UNC13C: variants seen among roughly 807,000 people sequenced by gnomAD.
UNC13C encodes the protein protein unc-13 homolog C.
A neutral mutation model predicts 245.4 loss-of-function variants in UNC13C; 174 were observed. The observed-to-expected ratio is 0.71, with a 90% CI of 0.63 to 0.80. The LOEUF is 0.80. Among genes scored for constraint, UNC13C ranks in the 30% least tolerant of loss-of-function variants. The probability of loss-of-function intolerance (pLI) is 0.00; values close to 1 mark genes in which losing one functional copy is unlikely to be tolerated. For synonymous variants in UNC13C, 992 were observed against 895.1 expected (o/e 1.11, Z -1.93); for missense variants, 2,829 against 2,602.9 (o/e 1.09, Z -1.89).
At chr15:54,028,193 T>C (rs1896198130) in intron 2 of UNC13C, among the ~76,000 whole-genome samples, 1 of 152,230 alleles carries the variant, frequency 6.6e-6, no homozygotes, top group Non-Finnish European at 1.5e-5. Flanking sequence ...GACTTTCAGT[T>C]GATTTCATAA....
chr15:54,287,122 A>C (rs2037171164), intron 10 of UNC13C, among the ~76,000 whole-genome samples: 1 of 152,176 alleles, frequency 6.6e-6, no homozygotes, highest in African/African-American at 2.4e-5. Context: ...CTTGGTTAAA[A>C]AATTATTCAG....
intron 17 of UNC13C, among the ~76,000 whole-genome samples, chr15:54,377,153 C>T (rs1354410899): frequency 6.6e-6 from 1 of 152,146 alleles, no homozygotes; most frequent in Non-Finnish European, 1.5e-5. Flanking sequence ...CAACCACCGC[C>T]CCACAGGGCT....
At chr15:54,343,816 T>C (rs910716706) in intron 17 of UNC13C, among the ~76,000 whole-genome samples, 1 of 151,908 alleles carries the variant, frequency 6.6e-6, no homozygotes, top group Admixed American at 6.6e-5. Flanking sequence ...CAAGGAAAAG[T>C]GGGAATTTAT....
intron 4 of UNC13C, among the ~76,000 whole-genome samples, chr15:54,158,953 A>G (rs930156172): frequency 5.9e-5 from 9 of 152,120 alleles, no homozygotes; most frequent in Non-Finnish European, 1.5e-5. Context: ...CCCAGCCAAT[A>G]TTAGCTTTGT....
chr15:54,370,228 C>G (rs2039459276), intron 17 of UNC13C, among the ~76,000 whole-genome samples: 2 of 152,186 alleles, frequency 1.3e-5, no homozygotes, highest in Middle Eastern at 3.4e-3. Flanking sequence ...GTACAGATAT[C>G]CAGTCTCTTC....
chr15:54,142,876 T>C, intron 2 of UNC13C, 142 bp from the exon 3 acceptor site: 1 of 701,440 alleles, frequency 1.4e-6, no homozygotes, highest in South Asian at 1.9e-5. Flanking sequence ...CCTTGTACCC[T>C]TGGGCTCAAC....
chr15:54,131,722 G>T (rs534647819), intron 2 of UNC13C, among the ~76,000 whole-genome samples: 3 of 152,208 alleles, frequency 2.0e-5, no homozygotes, highest in Admixed American at 6.5e-5. Context: ...ACATATCCCC[G>T]CAGGAATAAG....
chr15:53,980,249 T>A (rs543023140), intron 1 of UNC13C, among the ~76,000 whole-genome samples: 1 of 152,302 alleles, frequency 6.6e-6, no homozygotes, highest in Admixed American at 6.5e-5. Context: ...AATGAGGAAA[T>A]CATTTGTTTT....
chr15:53,898,327 AG>A, the UNC13C span, among the ~76,000 whole-genome samples: 1 of 152,196 alleles, frequency 6.6e-6, no homozygotes, highest in Non-Finnish European at 1.5e-5. Flanking sequence ...TGAAATGATC[AG>A]GGTAAGATGG....
At chr15:53,948,040 T>G in the UNC13C span, 1 of 152,324 alleles carries the variant, frequency 6.6e-6, no homozygotes, top group Middle Eastern at 3.4e-3. Context: ...GTGAACATAT[T>G]CTTAAGGTAA....
chr15:54,407,946 A>C (rs958057195), intron 18 of UNC13C, among the ~76,000 whole-genome samples: 4 of 152,060 alleles, frequency 2.6e-5, no homozygotes, highest in Admixed American at 1.3e-4. Context: ...TCACACCTGT[A>C]ATCCCAGCAT....
chr15:54,407,268 C>T (rs999119080), intron 18 of UNC13C, among the ~76,000 whole-genome samples: 4 of 151,802 alleles, frequency 2.6e-5, no homozygotes, highest in South Asian at 2.1e-4. Flanking sequence ...ATGAAGGTAA[C>T]GACTTGAATT....
intron 2 of UNC13C, among the ~76,000 whole-genome samples, chr15:54,021,347 T>C (rs1895897013): frequency 6.6e-6 from 1 of 152,190 alleles, no homozygotes; most frequent in Non-Finnish European, 1.5e-5. Flanking sequence ...CACCTCACTC[T>C]CTACCCCAAC....
chr15:54,408,154 G>C lies in UNC13C; in HGVS notation c.4848-6828G>C, dbSNP rs769620015. The stretch of plus-strand genomic sequence containing the variant: ...AGGCGGAGTTGCAGTAAGCCGAGAT[G>C]GCGCCACTGCACTCCAGCCTGGGTG... On this transcript the variant is annotated intron_variant, in intron 18 of 32. Coordinates refer to ENST00000260323, the MANE Select transcript of UNC13C (RefSeq NM_001080534.3). Among the ~76,000 whole-genome samples, 89 of 132,900 alleles carry C rather than the reference G, an allele frequency of 6.7e-4. No individual in the cohort carries two copies. In the Middle Eastern group the frequency reaches 0.022, roughly 33 times the overall value. 87.2% of individuals were successfully genotyped at this position (132,900 alleles called of 152,430 possible). A position where few individuals can be genotyped will look rare whatever the true frequency, so the allele number is the denominator to read the frequency against.
At chr15:54,424,877 C>T (rs1004754274) in intron 19 of UNC13C, among the ~76,000 whole-genome samples, 3 of 151,810 alleles carry the variant, frequency 2.0e-5, no homozygotes, top group African/African-American at 4.8e-5. Context: ...GTGTATTGTG[C>T]TGTGCTCTGC....
intron 2 of UNC13C, among the ~76,000 whole-genome samples, chr15:54,089,130 G>A (rs1320828689): frequency 6.6e-6 from 1 of 152,104 alleles, no homozygotes; most frequent in African/African-American, 2.4e-5. Flanking sequence ...TGCTTTGATA[G>A]TCCAAATTCT....
At chr15:54,546,333 G>T (rs1378943295) in intron 26 of UNC13C, among the ~76,000 whole-genome samples, 2 of 152,254 alleles carry the variant, frequency 1.3e-5, no homozygotes, top group East Asian at 3.9e-4. Context: ...GTGGAGGGCT[G>T]GGTGAGGGAT....
chr15:54,068,771 C>A (rs1330131949), intron 2 of UNC13C, among the ~76,000 whole-genome samples: 1 of 152,154 alleles, frequency 6.6e-6, no homozygotes, highest in Non-Finnish European at 1.5e-5. Flanking sequence ...TAGTCAGTTT[C>A]AGAAAAGTGG....
intron 13 of UNC13C, among the ~76,000 whole-genome samples, chr15:54,311,688 T>C (rs918926143): frequency 6.6e-6 from 1 of 151,818 alleles, no homozygotes; most frequent in Non-Finnish European, 1.5e-5. Flanking sequence ...TTTACAGTAA[T>C]TTTATTATAC....
Sources: gnomAD v4.1 joint callset for allele counts (sites outside exome capture counted in the v4.1 genomes callset) on GRCh38, gnomAD v4.1.1 for gene constraint, MANE v1.5 for transcripts, NCBI Gene and HGNC (gene_info 2026-07-23, HGNC 2026-07-21) for gene names.